GPHN: variants seen among roughly 807,000 people sequenced by gnomAD.
The protein encoded by GPHN is gephyrin.
GPHN carries 17 observed loss-of-function variants against 95.5 expected under a neutral mutation model. The observed-to-expected ratio is 0.18, with a 90% CI of 0.12 to 0.27. The LOEUF (loss-of-function observed/expected upper bound fraction) is 0.27, where lower values mean the gene tolerates loss of function less well. Ranked by LOEUF, GPHN falls within the 10% of genes least tolerant of loss-of-function variation. GPHN has a pLI of 1.00. For synonymous variants in GPHN, 320 were observed against 322.5 expected (o/e 0.99, Z 0.08); for missense variants, 660 against 978.1 (o/e 0.67, Z 4.34).
the GPHN span, among the ~76,000 whole-genome samples, chr14:67,635,831 GA>G: frequency 1.3e-5 from 2 of 152,140 alleles, no homozygotes; most frequent in Non-Finnish European, 2.9e-5. Flanking sequence ...CAGCGTGGGT[GA>G]AAGAGCAAAA....
At chr14:67,242,267 G>A in the GPHN span, among the ~76,000 whole-genome samples, 1 of 152,100 alleles carries the variant, frequency 6.6e-6, no homozygotes, top group South Asian at 2.1e-4. Flanking sequence ...GTTTTTCTTG[G>A]CAGTTTATGC....
the GPHN span, among the ~76,000 whole-genome samples, chr14:67,378,362 G>C: frequency 6.7e-6 from 1 of 148,512 alleles, no homozygotes; most frequent in African/African-American, 2.5e-5. Context: ...TAGAAAAGGT[G>C]GGAATAGTAA....
the GPHN span, among the ~76,000 whole-genome samples, chr14:67,284,967 T>TC: frequency 6.6e-6 from 1 of 151,990 alleles, no homozygotes; most frequent in Non-Finnish European, 1.5e-5. Flanking sequence ...CCCAGGCTGG[T>TC]CTTGACCTCC....
At chr14:66,960,376 G>A (rs914086323) in intron 8 of GPHN, among the ~76,000 whole-genome samples, 35 of 150,130 alleles carry the variant, frequency 2.3e-4, no homozygotes, top group African/African-American at 8.4e-4. Flanking sequence ...TATTATAAGT[G>A]GCAACTCTGG....
intron 4 of GPHN, among the ~76,000 whole-genome samples, chr14:66,869,240 A>G (rs2063339538): frequency 6.6e-6 from 1 of 152,228 alleles, no homozygotes; most frequent in South Asian, 2.1e-4. Context: ...TACTTGTGTT[A>G]TCTATTCATT....
At chr14:67,022,251 A>G (rs2073668437) in intron 9 of GPHN, among the ~76,000 whole-genome samples, 1 of 152,068 alleles carries the variant, frequency 6.6e-6, no homozygotes, top group African/African-American at 2.4e-5. Flanking sequence ...CTGCATTTAC[A>G]TATTGTCCCC....
intron 1 of GPHN, among the ~76,000 whole-genome samples, chr14:66,582,616 T>C (rs1231246238): frequency 6.6e-6 from 1 of 151,692 alleles, no homozygotes; most frequent in African/African-American, 2.4e-5. Flanking sequence ...TTCCCACCTA[T>C]GAGTGAGAAC....
the GPHN span, among the ~76,000 whole-genome samples, chr14:67,704,856 C>T: frequency 6.6e-6 from 1 of 152,194 alleles, no homozygotes; most frequent in Non-Finnish European, 1.5e-5. Context: ...TAAACCAGAA[C>T]ATCAACCAAG....
chr14:67,383,129 C>T, the GPHN span, among the ~76,000 whole-genome samples: 2 of 152,098 alleles, frequency 1.3e-5, no homozygotes, highest in African/African-American at 4.8e-5. Context: ...CTATACTATT[C>T]TCATAAGTTT....
At chr14:67,158,372 T>G (rs1200305020) in intron 18 of GPHN, among the ~76,000 whole-genome samples, 1 of 151,720 alleles carries the variant, frequency 6.6e-6, no homozygotes, top group Non-Finnish European at 1.5e-5. Flanking sequence ...TATTATATAG[T>G]CACTTGATCA....
intron 2 of GPHN, among the ~76,000 whole-genome samples, chr14:66,697,725 TC>T (rs2068205984): frequency 6.7e-6 from 1 of 148,390 alleles, no homozygotes; most frequent in Non-Finnish European, 1.5e-5. Flanking sequence ...TCTACCTCTT[TC>T]ACTCAGGCTG....
chr14:67,478,092 C>T, the GPHN span, among the ~76,000 whole-genome samples: 22 of 152,362 alleles, frequency 1.4e-4, no homozygotes, highest in African/African-American at 5.3e-4. Context: ...AAACAACTAC[C>T]GTCTACTATT....
chr14:66,939,133 G>A (rs2067271929), intron 8 of GPHN, among the ~76,000 whole-genome samples: 1 of 152,220 alleles, frequency 6.6e-6, no homozygotes, highest in South Asian at 2.1e-4. Flanking sequence ...TGATTTTCTT[G>A]GACATGACAC....
chr14:66,707,694 A>G (rs555069538), intron 2 of GPHN, among the ~76,000 whole-genome samples: 1 of 151,710 alleles, frequency 6.6e-6, no homozygotes, highest in South Asian at 2.1e-4. Context: ...GGGAACTTAA[A>G]GGATGGGTCA....
intron 17 of GPHN, among the ~76,000 whole-genome samples, chr14:67,126,385 G>T (rs2079317113): frequency 6.6e-6 from 1 of 152,164 alleles, no homozygotes; most frequent in Admixed American, 6.5e-5. Flanking sequence ...CTGTGGGCTG[G>T]ATTGGTCAGA....
the GPHN span, among the ~76,000 whole-genome samples, chr14:67,624,247 G>T: frequency 6.6e-6 from 1 of 151,752 alleles, no homozygotes; most frequent in Admixed American, 6.6e-5. Context: ...TTCAAGAAAA[G>T]CCAGAAATTT....
At chr14:67,646,985 CAGA>C in the GPHN span, 1 of 1,612,992 alleles carries the variant, frequency 6.2e-7, no homozygotes, top group Non-Finnish European at 8.5e-7. Context: ...ACTTGGTATC[CAGA>C]AGGTCATGGA....
chr14:67,478,900 TA>T, the GPHN span, among the ~76,000 whole-genome samples: 10,757 of 152,204 alleles, frequency 0.071, 521 homozygotes, highest in Middle Eastern at 0.15. Context: ...TTGTTTAAGA[TA>T]GTGGTAAGAG....
intron 18 of GPHN, among the ~76,000 whole-genome samples, chr14:67,144,250 A>ATATATATATATAT (rs1555502004): frequency 8.7e-4 from 50 of 57,698 alleles, no homozygotes; most frequent in Non-Finnish European, 1.3e-3. Context: ...AAAAAAAAAA[A>ATATATATATATAT]ATATATATAT....
Sources: allele counts gnomAD v4.1 joint callset (sites outside exome capture counted in the v4.1 genomes callset), GRCh38; gene constraint gnomAD v4.1.1; transcripts MANE v1.5; gene names NCBI Gene and HGNC (gene_info 2026-07-23, HGNC 2026-07-21).